The following SRRM4 variants were observed in gnomAD, a reference collection of about 807,000 sequenced individuals.
SRRM4 encodes serine/arginine repetitive matrix 4.
Under a neutral mutation model 68.9 loss-of-function variants are expected in SRRM4, and 33 were observed. That is an observed-to-expected ratio of 0.48 (90% CI 0.36 to 0.64). SRRM4 has a LOEUF of 0.64. Ranked by LOEUF, SRRM4 falls within the 30% of genes least tolerant of loss-of-function variation. SRRM4 has a pLI of 0.00. For missense variants in SRRM4, 817 were observed against 827.1 expected, an observed-to-expected ratio of 0.99 and a Z score of 0.15; for synonymous variants, 318 against 318.8, an observed-to-expected ratio of 1.00 and a Z score of 0.03.
At chr12:119,072,892 A>T (rs918987942) in intron 1 of SRRM4, among the ~76,000 whole-genome samples, 6 of 152,172 alleles carry the variant, frequency 3.9e-5, no homozygotes, top group African/African-American at 1.4e-4. Context: ...ATACTTTAAG[A>T]TGTCTGTCCA....
At chr12:119,004,135 G>A (rs1953401947) in intron 1 of SRRM4, among the ~76,000 whole-genome samples, 1 of 151,798 alleles carries the variant, frequency 6.6e-6, no homozygotes, top group Non-Finnish European at 1.5e-5. Context: ...TTGAAAATTT[G>A]ATCTTCTTTT....
intron 1 of SRRM4, among the ~76,000 whole-genome samples, chr12:119,019,341 C>T (rs976573937): frequency 2.2e-4 from 33 of 152,132 alleles, no homozygotes; most frequent in Admixed American, 8.5e-4. Flanking sequence ...AATGGGTGTT[C>T]GGCAGATGGG....
chr12:119,043,702 G>A (rs1285376307), intron 1 of SRRM4, among the ~76,000 whole-genome samples: 1 of 151,006 alleles, frequency 6.6e-6, no homozygotes, highest in East Asian at 1.9e-4. Flanking sequence ...AAAAAGAAAG[G>A]GCATGGGGAG....
At chr12:119,153,477 C>T in intron 10 of SRRM4, 62 bp from the exon 11 acceptor site, 1 of 1,125,992 alleles carries the variant, frequency 8.9e-7, no homozygotes, top group Middle Eastern at 1.9e-4. Context: ...AAGCTCAAGC[C>T]GTCTTGGATA....
At chr12:119,135,797 G>A (rs1277688493) in intron 8 of SRRM4, among the ~76,000 whole-genome samples, 5 of 152,164 alleles carry the variant, frequency 3.3e-5, no homozygotes, top group African/African-American at 1.2e-4. Context: ...GAGAAGCTAG[G>A]GTTTGAATCC....
At chr12:119,141,065 C>G (rs748506659) in intron 8 of SRRM4, among the ~76,000 whole-genome samples, 8 of 152,204 alleles carry the variant, frequency 5.3e-5, no homozygotes, top group Non-Finnish European at 7.3e-5. Context: ...CCTCAGCCTC[C>G]CAACTAGCTA....
chr12:119,082,769 A>C (rs1363327083), intron 1 of SRRM4, among the ~76,000 whole-genome samples: 4 of 152,226 alleles, frequency 2.6e-5, no homozygotes, highest in Non-Finnish European at 5.9e-5. Context: ...TGTAGCCTGA[A>C]GCACAAGATG....
chr12:119,037,772 A>C (rs148578201), intron 1 of SRRM4, among the ~76,000 whole-genome samples: 2 of 152,230 alleles, frequency 1.3e-5, no homozygotes, highest in Non-Finnish European at 2.9e-5. Flanking sequence ...GCTTCTAAGC[A>C]GTCAAGGCCA....
At chr12:119,085,481 G>T (rs892110414) in intron 1 of SRRM4, among the ~76,000 whole-genome samples, 1 of 152,228 alleles carries the variant, frequency 6.6e-6, no homozygotes, top group African/African-American at 2.4e-5. Flanking sequence ...AGACAGCCAA[G>T]ATGCTGGGAC....
chr12:118,997,084 G>C (rs562110485), intron 1 of SRRM4, among the ~76,000 whole-genome samples: 1 of 152,116 alleles, frequency 6.6e-6, no homozygotes, highest in African/African-American at 2.4e-5. Context: ...TCCATGAAAA[G>C]GAAAAACCCT....
rs183236007 is a variant in SRRM4 at position 119,083,687 on chromosome 12, A to G, written c.132-18549A>G. Among the ~76,000 whole-genome samples the G allele has an allele frequency of 6.4e-4, 97 of 152,336 alleles. 1 individual carries two copies. Among genetic ancestry groups the G allele is most frequent in the African/African-American group, 2.2e-3 (93 of 41,594 alleles). On this transcript the variant is annotated intron_variant, in intron 1 of 12. Coordinates refer to ENST00000267260, the MANE Select transcript of SRRM4 (RefSeq NM_194286.4). ...ATATAAGGGAATGGTCCCATTCCCAAGATGGCCAGGGACATTTGCTGGTCA... is the reference window on the plus strand; with the variant it reads ...ATATAAGGGAATGGTCCCATTCCCAGGATGGCCAGGGACATTTGCTGGTCA...
chr12:119,029,204 C>T (rs974643737), intron 1 of SRRM4, among the ~76,000 whole-genome samples: 4 of 152,204 alleles, frequency 2.6e-5, no homozygotes, highest in African/African-American at 9.7e-5. Flanking sequence ...AACCTGCTCC[C>T]TTATTCCCAC....
chr12:119,040,834 T>C (rs145325086), intron 1 of SRRM4, among the ~76,000 whole-genome samples: 123 of 152,222 alleles, frequency 8.1e-4, no homozygotes, highest in African/African-American at 2.9e-3. Flanking sequence ...ACTGCAACTT[T>C]TTCCTCCCAG....
chr12:119,133,772 G>A (rs1954311572), intron 8 of SRRM4, among the ~76,000 whole-genome samples: 1 of 152,186 alleles, frequency 6.6e-6, no homozygotes, highest in South Asian at 2.1e-4. Context: ...CATCTACAAA[G>A]GGTCAGGCTC....
At chr12:119,066,850 T>C (rs1300525047) in intron 1 of SRRM4, among the ~76,000 whole-genome samples, 2 of 152,232 alleles carry the variant, frequency 1.3e-5, no homozygotes, top group Non-Finnish European at 2.9e-5. Context: ...CCTGTCTTCC[T>C]GCTACTGGCT....
intron 1 of SRRM4, among the ~76,000 whole-genome samples, chr12:118,997,002 G>A (rs991860253): frequency 1.3e-5 from 2 of 152,192 alleles, no homozygotes; most frequent in African/African-American, 4.8e-5. Flanking sequence ...AGTAGTGATG[G>A]TCCCAGTCTG....
chr12:119,046,347 G>A (rs1268551655), intron 1 of SRRM4, among the ~76,000 whole-genome samples: 1 of 152,126 alleles, frequency 6.6e-6, no homozygotes, highest in Admixed American at 6.5e-5. Context: ...GAGAATCCGG[G>A]AGCTAGAAGG....
chr12:119,054,814 T>C (rs568447762), intron 1 of SRRM4, among the ~76,000 whole-genome samples: 23 of 152,310 alleles, frequency 1.5e-4, no homozygotes, highest in African/African-American at 5.5e-4. Context: ...GCAAGAGTGC[T>C]ACCAGAGGGC....
intron 1 of SRRM4, among the ~76,000 whole-genome samples, chr12:119,090,926 C>T (rs915135063): frequency 2.6e-5 from 4 of 152,214 alleles, no homozygotes; most frequent in South Asian, 2.1e-4. Flanking sequence ...AGGTGTCTGA[C>T]AGCTTCTCCC....
Sources: allele counts gnomAD v4.1 joint callset (sites outside exome capture counted in the v4.1 genomes callset), GRCh38; gene constraint gnomAD v4.1.1; transcripts MANE v1.5; gene names NCBI Gene and HGNC (gene_info 2026-07-23, HGNC 2026-07-21).